Variants in RAP1GDS1 observed in about 807,000 individuals in gnomAD.
The protein encoded by RAP1GDS1 is Rap1 GTPase-GDP dissociation stimulator 1.
Under a neutral mutation model 71.1 loss-of-function variants are expected in RAP1GDS1, and 35 were observed. That is an observed-to-expected ratio of 0.49 (90% CI 0.38 to 0.65). The LOEUF is 0.65. Among genes scored for constraint, RAP1GDS1 ranks in the 30% least tolerant of loss-of-function variants. The pLI is 0.00. For missense variants in RAP1GDS1, 663 were observed against 706.1 expected, an observed-to-expected ratio of 0.94 and a Z score of 0.69; for synonymous variants, 229 against 243.1, an observed-to-expected ratio of 0.94 and a Z score of 0.54.
rs3974887 is a variant in RAP1GDS1, at chr4:98,275,018, C to CTGTGTGTGTGTGTG, written c.4+13469_4+13482dup. Among the ~76,000 whole-genome samples, 483 of 144,912 alleles carry CTGTGTGTGTGTGTG rather than the reference C, an allele frequency of 3.3e-3. 4 individuals carry two copies. Among genetic ancestry groups the CTGTGTGTGTGTGTG allele is most frequent in the African/African-American group, 0.011 (444 of 39,770 alleles). On this transcript the variant is annotated intron_variant, in intron 1 of 14. Transcript: ENST00000408927. ...ACCCGGAAGCTTAATTTGTTTGCAG[C>CTGTGTGTGTGTGTG]TGTGTGTGTGTGTGTGTGTGTGTGT...
intron 1 of RAP1GDS1, among the ~76,000 whole-genome samples, chr4:98,291,623 T>TA (rs1220984095): frequency 6.6e-6 from 1 of 152,180 alleles, no homozygotes; most frequent in East Asian, 1.9e-4. Context: ...TTAAAATTAA[T>TA]AAAGTCTAGA....
At position 98,395,814 on chromosome 4, in the gene RAP1GDS1, C is replaced by A. The variant is rs553905754; in HGVS notation, c.637+3734C>A. 3.9e-5 allele frequency: 6 copies of A among 152,202 alleles called. 1 individual carries two copies. Among genetic ancestry groups the A allele is most frequent in the African/African-American group, 1.4e-4 (6 of 41,544 alleles). The allele number at this position is 152,202 out of a possible 1,614,324, so 9.4% of individuals were successfully genotyped here. A position where few individuals can be genotyped will look rare whatever the true frequency, so the allele number is the denominator to read the frequency against. ...TGAATAATAATATGAATGACCCAAT[C>A]AATACTGTAATATCAATGACATTTG... On this transcript the variant is annotated intron_variant, in intron 6 of 14. Coordinates refer to ENST00000408927, the MANE Select transcript of RAP1GDS1 (RefSeq NM_001100427.2).
At chr4:98,340,787 G>A (rs1027049296) in intron 2 of RAP1GDS1, among the ~76,000 whole-genome samples, 7 of 151,764 alleles carry the variant, frequency 4.6e-5, no homozygotes, top group Admixed American at 4.6e-4. Context: ...ATGTATATAT[G>A]TAAATATATA....
chr4:98,277,054 A>G (rs1016144247), intron 1 of RAP1GDS1, among the ~76,000 whole-genome samples: 6 of 152,156 alleles, frequency 3.9e-5, no homozygotes, highest in Non-Finnish European at 7.3e-5. Context: ...CTCAACTCCT[A>G]TACTAGTGTT....
intron 6 of RAP1GDS1, 144 bp from the exon 7 acceptor site, chr4:98,404,333 G>A (rs1407135684): frequency 4.1e-6 from 3 of 728,988 alleles, no homozygotes; most frequent in Non-Finnish European, 6.0e-6. Flanking sequence ...CCTTTTCAGG[G>A]ACATTAAAAA....
chr4:98,417,503 G>A lies in RAP1GDS1; in HGVS notation c.1039+5G>A. The A allele has an allele frequency of 6.2e-7, 1 of 1,612,754 alleles. No homozygotes were observed. The highest frequency in any genetic ancestry group is 8.5e-7 in the Non-Finnish European group (1 of 1,179,178). On this transcript the variant is annotated splice_donor_5th_base_variant and intron_variant, in intron 9 of 14. Coordinates refer to ENST00000408927, the MANE Select transcript of RAP1GDS1 (RefSeq NM_001100427.2). ...TTGCAAATTTTGCCAGAAATGGTAA[G>A]CATATTAGTTCCTCCTTTGTTAGTC...
intron 4 of RAP1GDS1, among the ~76,000 whole-genome samples, chr4:98,372,430 G>A (rs1211591416): frequency 6.6e-6 from 1 of 152,150 alleles, no homozygotes; most frequent in Non-Finnish European, 1.5e-5. Context: ...GCCTGCCAAA[G>A]TGCTGAGATT....
At chr4:98,398,259 A>T (rs1028103507) in intron 6 of RAP1GDS1, among the ~76,000 whole-genome samples, 4 of 152,104 alleles carry the variant, frequency 2.6e-5, no homozygotes, top group Non-Finnish European at 5.9e-5. Context: ...ATAAAAGAGA[A>T]AATATAAGAA....
chr4:98,423,548 T>C (rs973929259), intron 12 of RAP1GDS1, among the ~76,000 whole-genome samples: 1 of 152,150 alleles, frequency 6.6e-6, no homozygotes, highest in Non-Finnish European at 1.5e-5. Context: ...TTTTTGTTTT[T>C]TCGGGGTTTT....
intron 1 of RAP1GDS1, among the ~76,000 whole-genome samples, chr4:98,285,817 T>C (rs888717649): frequency 4.1e-5 from 6 of 145,536 alleles, no homozygotes; most frequent in Admixed American, 7.1e-5. Context: ...TTAATATTTA[T>C]AATAAATAAT....
At chr4:98,401,384 G>A (rs942991259) in intron 6 of RAP1GDS1, among the ~76,000 whole-genome samples, 4 of 152,176 alleles carry the variant, frequency 2.6e-5, no homozygotes, top group Admixed American at 6.5e-5. Context: ...AGATGATGGA[G>A]AGTATGGTGA....
chr4:98,332,906 A>G (rs1479724484), intron 2 of RAP1GDS1, among the ~76,000 whole-genome samples: 2 of 152,102 alleles, frequency 1.3e-5, no homozygotes, highest in African/African-American at 4.8e-5. Flanking sequence ...ATCACACACA[A>G]TTTCTTTCCT....
intron 4 of RAP1GDS1, among the ~76,000 whole-genome samples, chr4:98,357,120 C>A (rs1470258437): frequency 6.6e-6 from 1 of 151,668 alleles, no homozygotes; most frequent in Non-Finnish European, 1.5e-5. Flanking sequence ...CCAAAGTAAT[C>A]AAAATATATT....
chr4:98,262,974 T>C (rs1346726212), intron 1 of RAP1GDS1, among the ~76,000 whole-genome samples: 1 of 152,240 alleles, frequency 6.6e-6, no homozygotes, highest in Non-Finnish European at 1.5e-5. Flanking sequence ...GTACTCGATA[T>C]GCTGAACAAA....
At chr4:98,345,530 A>G (rs1276298373) in intron 3 of RAP1GDS1, among the ~76,000 whole-genome samples, 4 of 151,626 alleles carry the variant, frequency 2.6e-5, no homozygotes, top group African/African-American at 9.7e-5. Flanking sequence ...CCCTTATATA[A>G]TAGACTTAAG....
chr4:98,413,630 T>C (rs1289861466), intron 7 of RAP1GDS1, among the ~76,000 whole-genome samples: 4 of 151,932 alleles, frequency 2.6e-5, no homozygotes, highest in Non-Finnish European at 4.4e-5. Context: ...TGTTGGACAT[T>C]TGGGTTGGTT....
intron 2 of RAP1GDS1, among the ~76,000 whole-genome samples, chr4:98,304,455 G>C (rs1221571564): frequency 1.3e-5 from 2 of 152,106 alleles, no homozygotes; most frequent in Non-Finnish European, 2.9e-5. Flanking sequence ...CAGTGATGTT[G>C]AGCTTTTTTT....
chr4:98,278,993 C>T (rs377079266), intron 1 of RAP1GDS1, among the ~76,000 whole-genome samples: 8 of 152,232 alleles, frequency 5.3e-5, no homozygotes, highest in South Asian at 2.1e-4. Context: ...GAGGCCAAGG[C>T]GGGTGGATCA....
intron 2 of RAP1GDS1, among the ~76,000 whole-genome samples, chr4:98,315,821 A>G (rs1331488285): frequency 2.0e-5 from 3 of 152,176 alleles, no homozygotes; most frequent in Admixed American, 6.5e-5. Context: ...TGGCACACCT[A>G]ATTACCAAGA....
Sources: allele counts gnomAD v4.1 joint callset (sites outside exome capture counted in the v4.1 genomes callset), GRCh38; gene constraint gnomAD v4.1.1; transcripts MANE v1.5; gene names NCBI Gene and HGNC (gene_info 2026-07-23, HGNC 2026-07-21).